HCN1: variants seen among roughly 807,000 people sequenced by gnomAD.
The protein encoded by HCN1 is hyperpolarization activated cyclic nucleotide gated potassium channel 1, also known as potassium/sodium hyperpolarization-activated cyclic nucleotide-gated channel 1.
Under a neutral mutation model 78.9 loss-of-function variants are expected in HCN1, and 13 were observed. The observed-to-expected ratio is 0.16, with a 90% confidence interval of 0.11 to 0.26. The LOEUF (loss-of-function observed/expected upper bound fraction) is 0.26, where lower values mean the gene tolerates loss of function less well. Ranked by LOEUF, HCN1 falls within the 10% of genes least tolerant of loss-of-function variation. The pLI, the probability that HCN1 is intolerant of heterozygous loss-of-function variation, is 1.00. For missense variants in HCN1, 810 were observed against 1,154.3 expected (o/e 0.70, Z 4.32); for synonymous variants, 552 against 455.5 (o/e 1.21, Z -2.70).
At chr5:45,348,785 C>T (rs1292777626) in intron 5 of HCN1, among the ~76,000 whole-genome samples, 3 of 152,158 alleles carry the variant, frequency 2.0e-5, no homozygotes, top group Admixed American at 2.0e-4. Flanking sequence ...AAGGCCATTA[C>T]ATAATGGTAA....
rs571391824 is a variant in HCN1 at position 45,327,337 on chromosome 5, T to C, written c.1378-23498A>G. 4.6e-5 allele frequency among the ~76,000 whole-genome samples: 7 copies of C among 151,878 alleles called. No homozygotes were observed. The South Asian group carries it at 1.4e-3, about 31-fold the overall frequency. ...CCGATAGTAGAGTACATCTGAAGAC[T>C]TAATTCTGTGAGAAAATGACTTGGA... is the stretch of plus-strand genomic sequence containing the variant. On this transcript the variant is annotated intron_variant, in intron 5 of 7. Coordinates refer to ENST00000303230, the MANE Select transcript of HCN1 (RefSeq NM_021072.4).
At chr5:45,501,824 C>A (rs1287237072) in intron 2 of HCN1, among the ~76,000 whole-genome samples, 1 of 152,094 alleles carries the variant, frequency 6.6e-6, no homozygotes, top group Admixed American at 6.6e-5. Context: ...ACCCCATTTC[C>A]TAACGATTTC....
At chr5:45,331,464 A>T (rs1377126453) in intron 5 of HCN1, among the ~76,000 whole-genome samples, 1 of 151,384 alleles carries the variant, frequency 6.6e-6, no homozygotes, top group African/African-American at 2.4e-5. Context: ...GTTTTAAAAT[A>T]TCAAATTTAA....
intron 2 of HCN1, among the ~76,000 whole-genome samples, chr5:45,596,049 C>G (rs1172703274): frequency 6.6e-6 from 1 of 151,822 alleles, no homozygotes; most frequent in East Asian, 1.9e-4. Flanking sequence ...GGGACCACAA[C>G]CACACCCGGC....
At chr5:45,557,827 A>C (rs887067066) in intron 2 of HCN1, 9 of 152,088 alleles carry the variant, frequency 5.9e-5, no homozygotes, top group African/African-American at 2.2e-4. Context: ...TGCTGCACCA[A>C]CTGGCCATTG....
chr5:45,613,809 A>G (rs374708906), intron 2 of HCN1, among the ~76,000 whole-genome samples: 86 of 152,238 alleles, frequency 5.6e-4, no homozygotes, highest in African/African-American at 1.7e-3. Context: ...TAAAATTAGA[A>G]AAAAAAACTT....
chr5:45,353,031 AG>A (rs1561120679), intron 5 of HCN1, 68 bp downstream of exon 5: 1 of 1,365,620 alleles, frequency 7.3e-7, no homozygotes, highest in Admixed American at 1.7e-5. Context: ...GTGGACTAGA[AG>A]ATTCTCCATG....
chr5:45,374,322 T>G (rs1240504497), intron 4 of HCN1, among the ~76,000 whole-genome samples: 1 of 139,964 alleles, frequency 7.1e-6, no homozygotes, highest in East Asian at 2.0e-4. Flanking sequence ...ATACATTATA[T>G]ACATTATATA....
chr5:45,497,847 C>T (rs1742080276), intron 2 of HCN1, among the ~76,000 whole-genome samples: 2 of 152,172 alleles, frequency 1.3e-5, no homozygotes, highest in African/African-American at 4.8e-5. Context: ...ACTTATGAAG[C>T]TTAGTGTGGC....
intron 3 of HCN1, among the ~76,000 whole-genome samples, chr5:45,402,105 T>G (rs1025194701): frequency 6.6e-6 from 1 of 151,928 alleles, no homozygotes. Flanking sequence ...TTTTAGCCAG[T>G]CTAAATTGTA....
At chr5:45,465,212 T>C (rs1741243219) in intron 2 of HCN1, among the ~76,000 whole-genome samples, 1 of 152,048 alleles carries the variant, frequency 6.6e-6, no homozygotes, top group Admixed American at 6.6e-5. Flanking sequence ...AAATAACCTT[T>C]TATGGTGTAC....
intron 6 of HCN1, among the ~76,000 whole-genome samples, chr5:45,267,882 GA>G (rs201384992): frequency 6.6e-6 from 1 of 150,474 alleles, no homozygotes; most frequent in Non-Finnish European, 1.5e-5. Flanking sequence ...AAGAAATAAA[GA>G]AAAAAAACAA....
chr5:45,428,649 A>C (rs1740399366), intron 3 of HCN1, among the ~76,000 whole-genome samples: 1 of 152,062 alleles, frequency 6.6e-6, no homozygotes, highest in Middle Eastern at 3.2e-3. Context: ...GTATGATTTG[A>C]ACTGATTTAA....
chr5:45,559,856 A>G (rs1055580940), intron 2 of HCN1: 4 of 152,222 alleles, frequency 2.6e-5, no homozygotes, highest in African/African-American at 2.4e-5. Context: ...AAGTCAATCA[A>G]TGTGGGAAAC....
intron 7 of HCN1, among the ~76,000 whole-genome samples, 175 bp from the exon 8 acceptor site, chr5:45,262,985 C>G (rs181281888): frequency 1.3e-5 from 2 of 152,170 alleles, no homozygotes; most frequent in Non-Finnish European, 2.9e-5. Context: ...TTTCACACTT[C>G]CTGTATTTCT....
intron 4 of HCN1, among the ~76,000 whole-genome samples, chr5:45,369,123 G>C (rs1004757900): frequency 6.6e-6 from 1 of 150,532 alleles, no homozygotes; most frequent in Admixed American, 6.6e-5. Context: ...TGAGGACAAT[G>C]TTTCCAAGAT....
chr5:45,566,366 T>C (rs1372581421), intron 2 of HCN1, among the ~76,000 whole-genome samples: 1 of 152,196 alleles, frequency 6.6e-6, no homozygotes, highest in African/African-American at 2.4e-5. Flanking sequence ...CAAATACTCA[T>C]TTTTCATTAC....
chr5:45,496,997 A>T (rs1286637209), intron 2 of HCN1, among the ~76,000 whole-genome samples: 4 of 152,038 alleles, frequency 2.6e-5, no homozygotes, highest in Non-Finnish European at 5.9e-5. Context: ...TTCAGTTTCC[A>T]TGTAGTTGAG....
chr5:45,668,698 C>T (rs1439248142), intron 1 of HCN1, among the ~76,000 whole-genome samples: 4 of 151,790 alleles, frequency 2.6e-5, no homozygotes, highest in Non-Finnish European at 5.9e-5. Context: ...AAATTCTGAC[C>T]TTTATGGATG....
Sources: gnomAD v4.1 joint callset for allele counts (sites outside exome capture counted in the v4.1 genomes callset) on GRCh38, gnomAD v4.1.1 for gene constraint, MANE v1.5 for transcripts, NCBI Gene and HGNC (gene_info 2026-07-23, HGNC 2026-07-21) for gene names.